ASTN2: variants seen among roughly 807,000 people sequenced by gnomAD.
ASTN2 encodes the protein astrotactin 2.
ASTN2 carries 54 observed loss-of-function variants against 139.8 expected under a neutral mutation model. The observed-to-expected ratio is 0.39, with a 90% CI of 0.31 to 0.48. The LOEUF (loss-of-function observed/expected upper bound fraction) is 0.48, where lower values mean the gene tolerates loss of function less well. Among genes scored for constraint, ASTN2 ranks in the 20% least tolerant of loss-of-function variants. ASTN2 has a pLI of 0.95. For synonymous variants in ASTN2, 756 were observed against 719.5 expected (o/e 1.05, Z -0.81); for missense variants, 1,565 against 1,725.1 (o/e 0.91, Z 1.64).
intron 4 of ASTN2, among the ~76,000 whole-genome samples, chr9:117,103,426 G>C (rs1301424605): frequency 6.6e-6 from 1 of 152,160 alleles, no homozygotes; most frequent in African/African-American, 2.4e-5. Context: ...TTGACCCCAG[G>C]TGTGCTCTGG....
At chr9:117,366,747 T>C (rs1325664152) in intron 1 of ASTN2, among the ~76,000 whole-genome samples, 1 of 152,016 alleles carries the variant, frequency 6.6e-6, no homozygotes, top group East Asian at 1.9e-4. Flanking sequence ...AAACACCTGC[T>C]CTGAACCACA....
intron 1 of ASTN2, among the ~76,000 whole-genome samples, chr9:117,339,362 C>T (rs1003585300): frequency 4.6e-5 from 7 of 151,998 alleles, no homozygotes; most frequent in Non-Finnish European, 8.8e-5. Context: ...ATCTGTGTGC[C>T]GCAGAGGCAG....
chr9:116,755,032 G>C (rs908713632), intron 13 of ASTN2, among the ~76,000 whole-genome samples: 13 of 152,082 alleles, frequency 8.5e-5, no homozygotes, highest in Non-Finnish European at 1.5e-4. Context: ...CCCTGCTTCT[G>C]AACTTCTTGG....
chr9:116,541,640 T>C (rs1188957676), intron 19 of ASTN2, among the ~76,000 whole-genome samples: 2 of 152,174 alleles, frequency 1.3e-5, no homozygotes, highest in African/African-American at 4.8e-5. Flanking sequence ...GAAGTGACTC[T>C]AACCATGGGC....
chr9:116,565,388 C>CTAT (rs1564120372), intron 19 of ASTN2, among the ~76,000 whole-genome samples: 5 of 34,018 alleles, frequency 1.5e-4, no homozygotes, highest in African/African-American at 2.8e-4. Flanking sequence ...TCTCTCTCTC[C>CTAT]ATATATATAT....
chr9:117,223,261 G>A (rs1832588187), intron 2 of ASTN2, among the ~76,000 whole-genome samples: 1 of 152,132 alleles, frequency 6.6e-6, no homozygotes. Context: ...GAGGCATTTG[G>A]TAATAGAGAC....
At position 116,424,789 on chromosome 9, in the gene ASTN2, A is replaced by G. The variant is rs1847261652; in HGVS notation, c.*1062T>C. Among the ~76,000 whole-genome samples, 1 of 152,088 alleles carries G rather than the reference A, an allele frequency of 6.6e-6. No individual in the cohort carries two copies. Among genetic ancestry groups the G allele is most frequent in the Admixed American group, 6.6e-5 (1 of 15,264 alleles). On this transcript the variant is annotated 3_prime_UTR_variant, in exon 23 of 23. Transcript: ENST00000313400. The stretch of plus-strand genomic sequence containing the variant: ...TTGTTAGTAGAGACGGGGTTTCACC[A>G]CATTAGCCAGGCTGGTCTCAAACTC...
At chr9:117,255,598 T>A (rs570898155) in intron 2 of ASTN2, among the ~76,000 whole-genome samples, 1 of 152,312 alleles carries the variant, frequency 6.6e-6, no homozygotes, top group South Asian at 2.1e-4. Flanking sequence ...TGAATCTACC[T>A]GTAGAGGTGA....
intron 2 of ASTN2, among the ~76,000 whole-genome samples, chr9:117,255,466 C>T (rs1225739682): frequency 2.0e-5 from 3 of 152,168 alleles, no homozygotes; most frequent in Admixed American, 2.0e-4. Context: ...CACAAATAGC[C>T]TAAGGTCATA....
chr9:116,630,830 C>G (rs1856709964), intron 17 of ASTN2, among the ~76,000 whole-genome samples: 1 of 150,770 alleles, frequency 6.6e-6, no homozygotes, highest in African/African-American at 2.4e-5. Flanking sequence ...GGGTTAATAT[C>G]CAGAATATAT....
Position 117,141,403 on chromosome 9 carries a change from G to A in ASTN2, c.1091C>T (p.Pro364Leu). The change falls in exon 4 of 23, where the codon CCC (proline) becomes CTC (leucine). Residue 364 changes from proline (P) to leucine (L), a missense_variant. Physicochemically the swap from Pro to Leu is moderately conservative, Grantham distance 98 (BLOSUM62 -3). Coordinates refer to ENST00000313400, the MANE Select transcript of ASTN2 (RefSeq NM_001365068.1). ...TGGTTGCAGCTGACCGATCTCGATG[G>A]GCGTGTTAGCGCGGAAACTCTCCTT... ...KFKESFRANT[P>L]IEIGQLQPPL... 7.3e-7 allele frequency: 1 copy of A among 1,367,550 alleles called. No homozygotes were observed. 84.7% of individuals were successfully genotyped at this position (1,367,550 alleles called of 1,614,324 possible). A position where few individuals can be genotyped will look rare whatever the true frequency, so the allele number is the denominator to read the frequency against.
At chr9:116,850,293 G>T (rs1832563224) in intron 11 of ASTN2, among the ~76,000 whole-genome samples, 1 of 152,182 alleles carries the variant, frequency 6.6e-6, no homozygotes, top group African/African-American at 2.4e-5. Flanking sequence ...GATGGGTGAA[G>T]TGCACATCAT....
intron 1 of ASTN2, among the ~76,000 whole-genome samples, chr9:117,321,603 G>A (rs10818022): frequency 0.3 from 45,566 of 152,004 alleles, 7,865 homozygotes; most frequent in East Asian, 0.49. Context: ...CAAGACAGGA[G>A]GGGTCACCAT....
At chr9:116,457,697 A>G (rs1222954594) in intron 20 of ASTN2, among the ~76,000 whole-genome samples, 1 of 152,188 alleles carries the variant, frequency 6.6e-6, no homozygotes, top group East Asian at 1.9e-4. Context: ...AAGTCAGGCA[A>G]TAACAAATGC....
At chr9:116,447,014 C>T (rs569323925) in intron 20 of ASTN2, among the ~76,000 whole-genome samples, 1 of 152,284 alleles carries the variant, frequency 6.6e-6, no homozygotes, top group East Asian at 1.9e-4. Flanking sequence ...AACTTGGAAC[C>T]CCCTCATTTG....
intron 22 of ASTN2, among the ~76,000 whole-genome samples, chr9:116,431,655 C>A (rs992622921): frequency 6.6e-5 from 10 of 152,150 alleles, no homozygotes; most frequent in Admixed American, 6.5e-5. Context: ...CAACAATCTG[C>A]GGGTCAGAGA....
At chr9:117,123,411 A>G (rs1300848435) in intron 4 of ASTN2, among the ~76,000 whole-genome samples, 1 of 152,132 alleles carries the variant, frequency 6.6e-6, no homozygotes, top group Non-Finnish European at 1.5e-5. Context: ...CATCTATTTG[A>G]CATTAGACAA....
At chr9:116,868,356 A>G (rs1012048291) in intron 10 of ASTN2, among the ~76,000 whole-genome samples, 1 of 152,088 alleles carries the variant, frequency 6.6e-6, no homozygotes, top group Non-Finnish European at 1.5e-5. Flanking sequence ...CAGGCTGTGC[A>G]CTCGAATCTG....
chr9:116,439,092 C>T (rs1847749064), intron 22 of ASTN2, among the ~76,000 whole-genome samples: 1 of 149,524 alleles, frequency 6.7e-6, no homozygotes, highest in Non-Finnish European at 1.5e-5. Flanking sequence ...ACTTTTGTTG[C>T]TTTTGTTCAT....
Sources: gnomAD v4.1 joint callset for allele counts (sites outside exome capture counted in the v4.1 genomes callset) on GRCh38, gnomAD v4.1.1 for gene constraint, MANE v1.5 for transcripts, NCBI Gene and HGNC (gene_info 2026-07-23, HGNC 2026-07-21) for gene names.